The following DOCK3 variants were observed in gnomAD, a reference collection of about 807,000 sequenced individuals.
The protein encoded by DOCK3 is dedicator of cytokinesis protein 3.
DOCK3 carries 60 observed loss-of-function variants against 265.6 expected under a neutral mutation model. That is an observed-to-expected ratio of 0.23 (90% CI 0.18 to 0.28). DOCK3 has a LOEUF of 0.28. Among genes scored for constraint, DOCK3 ranks in the 10% least tolerant of loss-of-function variants. The probability of loss-of-function intolerance (pLI) is 1.00; values close to 1 mark genes in which losing one functional copy is unlikely to be tolerated. For synonymous variants in DOCK3, 881 were observed against 938.0 expected (o/e 0.94, Z 1.11); for missense variants, 1,981 against 2,594.3 (o/e 0.76, Z 5.14).
chr3:50,828,153 T>C (rs930193680), intron 2 of DOCK3, among the ~76,000 whole-genome samples: 1 of 152,102 alleles, frequency 6.6e-6, no homozygotes, highest in Admixed American at 6.5e-5. Context: ...GGCCTCGAAC[T>C]CCGGACCTCA....
chr3:50,704,782 C>T (rs776657004), intron 1 of DOCK3, among the ~76,000 whole-genome samples: 15 of 152,094 alleles, frequency 9.9e-5, no homozygotes, highest in South Asian at 4.2e-4. Flanking sequence ...TGTGCCATGA[C>T]GCTCAGCTAA....
chr3:50,794,722 G>C (rs562149225), intron 2 of DOCK3, among the ~76,000 whole-genome samples: 10 of 152,156 alleles, frequency 6.6e-5, no homozygotes, highest in African/African-American at 1.9e-4. Flanking sequence ...CATTTATCCT[G>C]TTTACATTCA....
chr3:51,285,705 T>G (rs1262479697), intron 27 of DOCK3, among the ~76,000 whole-genome samples: 1 of 151,904 alleles, frequency 6.6e-6, no homozygotes, highest in Non-Finnish European at 1.5e-5. Context: ...GAGGCCAAGG[T>G]GGGCAGATCA....
rs1173022779 is a variant in DOCK3 at position 51,357,740 on chromosome 3, T to C, written c.4684-18T>C. Reference sequence around the variant, plus strand: ...AGTCCTGGGAAGAGTCTTCCTGACTTGGCCTTTCCTTTCACAGGCCTTCTT... The same window carrying C: ...AGTCCTGGGAAGAGTCTTCCTGACTCGGCCTTTCCTTTCACAGGCCTTCTT... On this transcript the variant is annotated intron_variant, in intron 44 of 52. Coordinates refer to ENST00000266037, the MANE Select transcript of DOCK3 (RefSeq NM_004947.5). 1.2e-6 allele frequency: 2 copies of C among 1,613,684 alleles called. No individual in the cohort carries two copies. The highest frequency in any genetic ancestry group is 3.3e-5 in the Admixed American group (2 of 60,030).
intron 23 of DOCK3, among the ~76,000 whole-genome samples, chr3:51,264,866 T>TAA (rs1205973691): frequency 1.7e-5 from 1 of 57,754 alleles, no homozygotes; most frequent in Non-Finnish European, 4.5e-5. Flanking sequence ...ATAACTTAGA[T>TAA]CAGAACAGAG....
intron 5 of DOCK3, among the ~76,000 whole-genome samples, chr3:50,950,990 A>G (rs1322312354): frequency 6.6e-6 from 1 of 152,134 alleles, no homozygotes; most frequent in Non-Finnish European, 1.5e-5. Context: ...TGATATTCCT[A>G]CATCTTAGAA....
At chr3:50,979,908 C>T (rs1174329640) in intron 5 of DOCK3, among the ~76,000 whole-genome samples, 1 of 152,122 alleles carries the variant, frequency 6.6e-6, no homozygotes, top group Non-Finnish European at 1.5e-5. Context: ...CAAAGAGAGA[C>T]AACTTGATTT....
intron 2 of DOCK3, among the ~76,000 whole-genome samples, chr3:50,829,370 C>T (rs1267137694): frequency 6.6e-6 from 1 of 152,134 alleles, no homozygotes; most frequent in Non-Finnish European, 1.5e-5. Flanking sequence ...TCAGCTGCTG[C>T]TTTTTGTGGG....
intron 6 of DOCK3, among the ~76,000 whole-genome samples, chr3:51,071,258 A>G (rs946795683): frequency 2.6e-5 from 4 of 152,200 alleles, no homozygotes; most frequent in African/African-American, 9.6e-5. Context: ...TGAGCTTAGC[A>G]CAGAATAGGT....
chr3:51,362,729 C>T, intron 49 of DOCK3, 55 bp downstream of exon 49: 1 of 1,583,864 alleles, frequency 6.3e-7, no homozygotes, highest in Admixed American at 1.8e-5. Context: ...TTCATCAACG[C>T]CACTCGGCTT....
At chr3:50,747,223 A>G (rs1280351264) in intron 1 of DOCK3, among the ~76,000 whole-genome samples, 1 of 152,220 alleles carries the variant, frequency 6.6e-6, no homozygotes, top group African/African-American at 2.4e-5. Flanking sequence ...TCGTAGCTTT[A>G]TAATAATTCT....
chr3:50,930,726 T>A (rs926804543), intron 4 of DOCK3, among the ~76,000 whole-genome samples: 2 of 152,128 alleles, frequency 1.3e-5, no homozygotes, highest in Non-Finnish European at 2.9e-5. Context: ...TTGGGAGTGA[T>A]ACTGTGCAGA....
At chr3:50,711,924 G>T (rs2036799275) in intron 1 of DOCK3, among the ~76,000 whole-genome samples, 1 of 151,984 alleles carries the variant, frequency 6.6e-6, no homozygotes, top group African/African-American at 2.4e-5. Flanking sequence ...CTAGGAATTT[G>T]TCCATTTCAC....
chr3:50,741,149 T>C (rs1336351031), intron 1 of DOCK3, among the ~76,000 whole-genome samples: 2 of 151,624 alleles, frequency 1.3e-5, no homozygotes, highest in Non-Finnish European at 2.9e-5. Context: ...ATATATTATA[T>C]ATATGTATAT....
chr3:51,219,479 G>A (rs190385657), intron 14 of DOCK3, among the ~76,000 whole-genome samples: 20 of 152,274 alleles, frequency 1.3e-4, no homozygotes, highest in Middle Eastern at 3.4e-3. Context: ...ATAACACTGT[G>A]TATTACTTTT....
At chr3:50,693,007 T>C (rs182559770) in intron 1 of DOCK3, among the ~76,000 whole-genome samples, 1 of 152,220 alleles carries the variant, frequency 6.6e-6, no homozygotes, top group African/African-American at 2.4e-5. Context: ...TAAATGGTCT[T>C]GGCACCATGG....
rs1322228683 is a variant in DOCK3 at position 51,383,206 on chromosome 3, C to G, written c.*1647C>G. ...CTTGTTTAACAGAAATGCTAATAAC[C>G]TACTGGGAAAGATGGAGGTCTAAAT... is the stretch of plus-strand genomic sequence containing the variant. On this transcript the variant is annotated 3_prime_UTR_variant, in exon 53 of 53. Coordinates refer to ENST00000266037, the MANE Select transcript of DOCK3 (RefSeq NM_004947.5). 6.6e-6 allele frequency: 1 copy of G among 152,450 alleles called. No homozygotes were observed. The highest frequency in any genetic ancestry group is 6.5e-5 in the Admixed American group (1 of 15,288). 9.4% of individuals were successfully genotyped at this position (152,450 alleles called of 1,614,324 possible).
chr3:50,800,861 G>A (rs1415709265), intron 2 of DOCK3, among the ~76,000 whole-genome samples: 1 of 151,800 alleles, frequency 6.6e-6, no homozygotes, highest in East Asian at 1.9e-4. Context: ...GGGATCTTAC[G>A]ATTCTATTTT....
chr3:50,892,030 C>T (rs1211746457), intron 4 of DOCK3, among the ~76,000 whole-genome samples: 1 of 152,080 alleles, frequency 6.6e-6, no homozygotes, highest in Non-Finnish European at 1.5e-5. Context: ...TTGGAATTGA[C>T]CTCCATATCC....
Sources: gnomAD v4.1 joint callset for allele counts (sites outside exome capture counted in the v4.1 genomes callset) on GRCh38, gnomAD v4.1.1 for gene constraint, MANE v1.5 for transcripts, NCBI Gene and HGNC (gene_info 2026-07-23, HGNC 2026-07-21) for gene names.